Variants in TNFRSF19 observed in about 807,000 individuals in gnomAD.
The protein encoded by TNFRSF19 is tumor necrosis factor receptor superfamily member 19.
In TNFRSF19, 27 loss-of-function variants were observed where a neutral mutation model predicts 46.4. The ratio of observed to expected loss-of-function variants is 0.58; its 90% CI spans 0.43 to 0.80. The LOEUF is 0.80. Ranked by LOEUF, TNFRSF19 falls within the 30% of genes least tolerant of loss-of-function variation. The pLI is 0.00. For synonymous variants in TNFRSF19, 204 were observed against 205.0 expected (o/e 1.00, Z 0.04); for missense variants, 511 against 530.8 (o/e 0.96, Z 0.37).
At chr13:23,574,941 G>A (rs1877860233) in intron 1 of TNFRSF19, among the ~76,000 whole-genome samples, 2 of 152,218 alleles carry the variant, frequency 1.3e-5, no homozygotes, top group African/African-American at 2.4e-5. Flanking sequence ...TTGATGAGAA[G>A]GGGAAGGAGA....
chr13:23,583,381 T>G lies in TNFRSF19; in HGVS notation c.-34-6769T>G, dbSNP rs144975395. Among the ~76,000 whole-genome samples, 327 of 152,372 alleles carry G rather than the reference T, an allele frequency of 2.1e-3. 2 individuals are homozygous for G. The highest frequency in any genetic ancestry group is 3.1e-3 in the Non-Finnish European group (213 of 68,042). ...ATTAAAGTGGGTATGAACATAATTT[T>G]TTTTCATGATTTAGTGATTGAGTAG... On this transcript the variant is annotated intron_variant, in intron 1 of 9. Transcript: ENST00000248484.
chr13:23,653,195 G>T (rs557585416), intron 5 of TNFRSF19, among the ~76,000 whole-genome samples: 1 of 152,296 alleles, frequency 6.6e-6, no homozygotes, highest in Admixed American at 6.5e-5. Flanking sequence ...TCTAGGTCAA[G>T]CAATGGCTCC....
intron 4 of TNFRSF19, among the ~76,000 whole-genome samples, chr13:23,619,034 C>G (rs555624090): frequency 2.6e-5 from 4 of 152,308 alleles, no homozygotes; most frequent in African/African-American, 9.6e-5. Flanking sequence ...GACTTCCCAG[C>G]CTTCAGAACT....
chr13:23,582,455 T>A (rs1250125467), intron 1 of TNFRSF19, among the ~76,000 whole-genome samples: 1 of 152,150 alleles, frequency 6.6e-6, no homozygotes, highest in Non-Finnish European at 1.5e-5. Context: ...ATTACCCCGA[T>A]TTGATCATTA....
At chr13:23,648,810 A>G (rs1029729932) in intron 5 of TNFRSF19, among the ~76,000 whole-genome samples, 2 of 152,196 alleles carry the variant, frequency 1.3e-5, no homozygotes, top group African/African-American at 4.8e-5. Flanking sequence ...GATTTTGTCA[A>G]AGGCTTTATC....
At chr13:23,582,154 G>C (rs1878483654) in intron 1 of TNFRSF19, among the ~76,000 whole-genome samples, 1 of 151,680 alleles carries the variant, frequency 6.6e-6, no homozygotes, top group South Asian at 2.1e-4. Context: ...GCCGAGGCGG[G>C]CGGATCAGGT....
intron 4 of TNFRSF19, 135 bp downstream of exon 4, chr13:23,616,180 T>C: frequency 1.1e-6 from 1 of 915,156 alleles, no homozygotes; most frequent in Non-Finnish European, 1.6e-6. Context: ...TTGTGACTTC[T>C]TTCAGTATTA....
chr13:23,572,625 T>C (rs925096603), intron 1 of TNFRSF19, among the ~76,000 whole-genome samples: 1 of 152,228 alleles, frequency 6.6e-6, no homozygotes, highest in African/African-American at 2.4e-5. Context: ...AAAACTAGCT[T>C]GGGCAAGTCA....
At chr13:23,617,837 G>C (rs141168066) in intron 4 of TNFRSF19, among the ~76,000 whole-genome samples, 1 of 152,322 alleles carries the variant, frequency 6.6e-6, no homozygotes, top group East Asian at 1.9e-4. Context: ...CCTGTGTGTG[G>C]TGAGTCTGGG....
chr13:23,664,252 T>C (rs1404534979), intron 7 of TNFRSF19, among the ~76,000 whole-genome samples: 1 of 152,186 alleles, frequency 6.6e-6, no homozygotes, highest in Non-Finnish European at 1.5e-5. Context: ...ATTTTAGTAT[T>C]TACCCAAAAG....
rs569095747 is a variant in TNFRSF19 at position 23,590,071 on chromosome 13, G to A, written c.-34-79G>A. The A allele has an allele frequency of 6.7e-4, 424 of 630,962 alleles. 2 individuals are homozygous for A. Among genetic ancestry groups the A allele is most frequent in the Non-Finnish European group, 7.9e-4 (290 of 366,538 alleles). 39.1% of individuals were successfully genotyped at this position (630,962 alleles called of 1,614,324 possible). On this transcript the variant is annotated intron_variant, in intron 1 of 9. Coordinates refer to ENST00000248484, the MANE Select transcript of TNFRSF19 (RefSeq NM_148957.4). ...ATTTATTACCTAGTCTATATAGTAA[G>A]TGGTAGATATTATATAGTAAACAAA...
chr13:23,630,302 TAAAAAAAAAA>T (rs33960618), intron 5 of TNFRSF19, among the ~76,000 whole-genome samples: 7 of 89,716 alleles, frequency 7.8e-5, no homozygotes, highest in Non-Finnish European at 1.5e-4. Context: ...GACCCTGTCT[TAAAAAAAAAA>T]AAAAAAAAAA....
intron 5 of TNFRSF19, among the ~76,000 whole-genome samples, chr13:23,654,422 C>G (rs1441060022): frequency 6.6e-6 from 1 of 152,124 alleles, no homozygotes; most frequent in Non-Finnish European, 1.5e-5. Flanking sequence ...TTACTGCCCC[C>G]ACGTCTGATC....
chr13:23,580,851 T>G (rs1160874202), intron 1 of TNFRSF19, among the ~76,000 whole-genome samples: 1 of 152,254 alleles, frequency 6.6e-6, no homozygotes, highest in Non-Finnish European at 1.5e-5. Context: ...TGAGCTCTGT[T>G]CTTTACTTTT....
intron 5 of TNFRSF19, among the ~76,000 whole-genome samples, chr13:23,627,579 C>G (rs1031433584): frequency 2.6e-5 from 4 of 152,176 alleles, no homozygotes; most frequent in African/African-American, 9.7e-5. Context: ...GCACGCTTGT[C>G]TGTGCCACAG....
chr13:23,620,383 C>CG (rs1881576484), intron 4 of TNFRSF19, among the ~76,000 whole-genome samples: 1 of 152,190 alleles, frequency 6.6e-6, no homozygotes, highest in South Asian at 2.1e-4. Context: ...AGGCCGAGGT[C>CG]CCCCAGGACA....
chr13:23,634,724 A>G (rs1882565358), intron 5 of TNFRSF19, among the ~76,000 whole-genome samples: 1 of 152,194 alleles, frequency 6.6e-6, no homozygotes, highest in Non-Finnish European at 1.5e-5. Context: ...TTCAGGCTCT[A>G]TCACTCCTTT....
intron 1 of TNFRSF19, among the ~76,000 whole-genome samples, chr13:23,576,015 CT>C (rs1321045175): frequency 1.3e-5 from 2 of 152,112 alleles, no homozygotes; most frequent in Non-Finnish European, 2.9e-5. Context: ...AGCAATTTTG[CT>C]TTTCCAGTAA....
intron 1 of TNFRSF19, among the ~76,000 whole-genome samples, chr13:23,571,126 C>T (rs760910761): frequency 1.3e-5 from 2 of 152,156 alleles, no homozygotes; most frequent in South Asian, 2.1e-4. Flanking sequence ...AACAGAACAG[C>T]GCTCACTTTA....
Sources: gnomAD v4.1 joint callset for allele counts (sites outside exome capture counted in the v4.1 genomes callset) on GRCh38, gnomAD v4.1.1 for gene constraint, MANE v1.5 for transcripts, NCBI Gene and HGNC (gene_info 2026-07-23, HGNC 2026-07-21) for gene names.